Variants in CCNT1 observed in about 807,000 individuals in gnomAD.
The protein encoded by CCNT1 is cyclin-T1.
In CCNT1, 18 loss-of-function variants were observed where a neutral mutation model predicts 67.3. The ratio of observed to expected loss-of-function variants is 0.27; its 90% CI spans 0.18 to 0.40. The LOEUF is 0.40. Ranked by LOEUF, CCNT1 falls within the 10% of genes least tolerant of loss-of-function variation. The pLI, the probability that CCNT1 is intolerant of heterozygous loss-of-function variation, is 1.00. For synonymous variants in CCNT1, 333 were observed against 310.3 expected (o/e 1.07, Z -0.77); for missense variants, 744 against 884.9 (o/e 0.84, Z 2.02).
At chr12:48,712,188 T>A (rs1565621711) in intron 2 of CCNT1, among the ~76,000 whole-genome samples, 1 of 152,172 alleles carries the variant, frequency 6.6e-6, no homozygotes, top group African/African-American at 2.4e-5. Context: ...GAGCTATGTC[T>A]AGCTTCATAA....
rs760407470 is a variant in CCNT1, at chr12:48,693,728, C to T, written c.1486G>A (p.Val496Ile). Residue 496 changes from valine (V) to isoleucine (I), a missense_variant, in exon 9 of 9, where the codon GTA becomes ATA. Val to Ile is a conservative substitution (Grantham distance 29). Around this residue, in one of 3 missense-constraint regions of CCNT1, gnomAD observed 564 missense variants for 574.2 expected, o/e 0.98. Coordinates refer to ENST00000261900, the MANE Select transcript of CCNT1 (RefSeq NM_001240.4). ...VHAAADKHNS[V>I]EDSVTKSREH... Reference sequence around the variant, plus strand: ...CGGCTCTTTGTAACACTGTCCTCTACAGAATTGTGCTTATCAGCTGCAGCA... The same window carrying T: ...CGGCTCTTTGTAACACTGTCCTCTATAGAATTGTGCTTATCAGCTGCAGCA... 16 of 1,614,062 alleles carry T rather than the reference C, an allele frequency of 9.9e-6. No individual in the cohort carries two copies. The highest frequency in any genetic ancestry group is 1.3e-5 in the Non-Finnish European group (15 of 1,179,956).
chr12:48,697,488 A>G (rs2137227315), intron 6 of CCNT1, among the ~76,000 whole-genome samples: 1 of 147,994 alleles, frequency 6.8e-6, no homozygotes, highest in African/African-American at 2.5e-5. Flanking sequence ...GCACCACTTC[A>G]GTCCAGCCTG....
At position 48,693,849 on chromosome 12, in the gene CCNT1, A is replaced by T. The variant is rs1379375177; in HGVS notation, c.1365T>A (p.Ala455=). The stretch of plus-strand genomic sequence containing the variant: ...TTCTCATTTTGAGAGCTGTTTTGTC[A>T]GCCTTTTCCAGAAAAGGCCGCTCGG... The part of the protein sequence containing the change: ...ENPERPFLEK[A]DKTALKMRIP... The change falls in exon 9 of 9, where the codon GCT becomes GCA. Residue 455 remains alanine, a synonymous_variant. Coordinates refer to ENST00000261900, the MANE Select transcript of CCNT1 (RefSeq NM_001240.4). The T allele has an allele frequency of 1.2e-6, 2 of 1,613,954 alleles. No homozygotes were observed. The highest frequency in any genetic ancestry group is 2.7e-5 in the African/African-American group (2 of 74,916).
At chr12:48,697,413 G>A (rs1010832556) in intron 6 of CCNT1, among the ~76,000 whole-genome samples, 1 of 151,150 alleles carries the variant, frequency 6.6e-6, no homozygotes, top group Admixed American at 6.6e-5. Flanking sequence ...TCCCAGCTTA[G>A]TGAAGAGGCT....
rs1940047415 is a variant in CCNT1, at chr12:48,689,989, A to G, written c.*3044T>C. On this transcript the variant is annotated 3_prime_UTR_variant, in exon 9 of 9. Coordinates refer to ENST00000261900, the MANE Select transcript of CCNT1 (RefSeq NM_001240.4). The stretch of plus-strand genomic sequence containing the variant: ...ATCAAAACACTAAAATCATTTTTAA[A>G]AAGGAAGAAAAAAGAAGTTGAGGCT... The G allele has an allele frequency of 6.6e-6, 1 of 152,258 alleles. No individual in the cohort carries two copies. Among genetic ancestry groups the G allele is most frequent in the South Asian group, 2.1e-4 (1 of 4,838 alleles). The allele number at this position is 152,258 out of a possible 1,614,324, so 9.4% of individuals were successfully genotyped here.
rs571133765 is a variant in CCNT1 at position 48,688,618 on chromosome 12, C to T, written c.*4415G>A. On this transcript the variant is annotated 3_prime_UTR_variant, in exon 9 of 9. Transcript: ENST00000261900. Reference sequence around the variant, plus strand: ...CAAAGAGCCCTTACTATAATGGTCACTTACCTCCTATCATTCACATAACAG... The same window carrying T: ...CAAAGAGCCCTTACTATAATGGTCATTTACCTCCTATCATTCACATAACAG... The T allele has an allele frequency of 2.6e-5, 4 of 152,222 alleles. No individual in the cohort carries two copies. The highest frequency in any genetic ancestry group is 1.3e-4 in the Admixed American group (2 of 15,282). The allele number at this position is 152,222 out of a possible 1,614,324, so 9.4% of individuals were successfully genotyped here.
chr12:48,699,327 TACTAA>T (rs1305766421), intron 5 of CCNT1, among the ~76,000 whole-genome samples: 2 of 152,224 alleles, frequency 1.3e-5, no homozygotes, highest in Non-Finnish European at 2.9e-5. Context: ...ATATTCTTGA[TACTAA>T]ACTAAATAAG....
In CCNT1 at chr12:48,693,018, C is replaced by T. The variant is rs1592116611; in HGVS notation, c.*15G>A. On this transcript the variant is annotated 3_prime_UTR_variant, in exon 9 of 9. Transcript: ENST00000261900. ...TTTTTTAAAGAAGTTTTTTTCTCCT[C>T]TTCTTTTTCTTTTTTTACTTAGGAA... 4 of 1,465,856 alleles carry T rather than the reference C, an allele frequency of 2.7e-6. No homozygotes were observed. Among genetic ancestry groups the T allele is most frequent in the Non-Finnish European group, 3.7e-6 (4 of 1,091,270 alleles). 90.8% of individuals were successfully genotyped at this position (1,465,856 alleles called of 1,614,324 possible).
At chr12:48,715,329 AG>A (rs746763012) in intron 1 of CCNT1, among the ~76,000 whole-genome samples, 7 of 152,258 alleles carry the variant, frequency 4.6e-5, no homozygotes, top group Admixed American at 6.5e-5. Flanking sequence ...ACATTTAAAT[AG>A]AAGCTGCACC....
intron 6 of CCNT1, 162 bp downstream of exon 6, chr12:48,697,976 T>C: frequency 2.1e-6 from 1 of 476,196 alleles, no homozygotes; most frequent in African/African-American, 2.0e-5. Context: ...AATAATTACA[T>C]AACCTTAGAA....
chr12:48,714,807 TAAAAACTATATA>T (rs1940509160), intron 1 of CCNT1, among the ~76,000 whole-genome samples: 1 of 152,206 alleles, frequency 6.6e-6, no homozygotes, highest in African/African-American at 2.4e-5. Context: ...CAGATTTTTT[TAAAAACTATATA>T]AGGCGGCCAG....
rs1299051963 is a variant in CCNT1, at chr12:48,688,779, T to C, written c.*4254A>G. On this transcript the variant is annotated 3_prime_UTR_variant, in exon 9 of 9. Coordinates refer to ENST00000261900, the MANE Select transcript of CCNT1 (RefSeq NM_001240.4). ...AGACAAAAATCTCACCACAAAATTGTACCTGAGTGACAGATTGGTAAAGTG... is the reference window on the plus strand; with the variant it reads ...AGACAAAAATCTCACCACAAAATTGCACCTGAGTGACAGATTGGTAAAGTG... 1 of 151,604 alleles carries C rather than the reference T, an allele frequency of 6.6e-6. No individual in the cohort carries two copies. Among genetic ancestry groups the C allele is most frequent in the Non-Finnish European group, 1.5e-5 (1 of 67,972 alleles). 9.4% of individuals were successfully genotyped at this position (151,604 alleles called of 1,614,324 possible).
In CCNT1 at chr12:48,713,258, C is replaced by T. The variant is rs536411987; in HGVS notation, c.243+1185G>A. On this transcript the variant is annotated intron_variant, in intron 2 of 8. Coordinates refer to ENST00000261900, the MANE Select transcript of CCNT1 (RefSeq NM_001240.4). ...CCGTGTTGCCCAGGCTGGTCTCCAACTCCTGGGCTCAATCAGTCCTCCCAC... is the reference window on the plus strand; with the variant it reads ...CCGTGTTGCCCAGGCTGGTCTCCAATTCCTGGGCTCAATCAGTCCTCCCAC... 2.0e-5 allele frequency among the ~76,000 whole-genome samples: 3 copies of T among 148,322 alleles called. No individual in the cohort carries two copies. The South Asian group carries it at 6.4e-4, about 31-fold the overall frequency.
chr12:48,711,856 G>A (rs1940455864), intron 2 of CCNT1, among the ~76,000 whole-genome samples: 4 of 152,156 alleles, frequency 2.6e-5, no homozygotes, highest in Non-Finnish European at 2.9e-5. Context: ...GCAGTGGCAC[G>A]ATCTCGGCTC....
Position 48,694,419 on chromosome 12 carries a change from C to T in CCNT1, c.795G>A (p.Lys265=), listed in dbSNP as rs1376932427. Residue 265 remains lysine (K), a synonymous_variant, in exon 9 of 9, where the codon AAG becomes AAA. Transcript: ENST00000261900. ...TTCCTCGGTCATCTGCTTTTGTTTT[C>T]TTGGCAGCCTCGCATGCCTGCAATG... ...IWNWRACEAA[K]KTKADDRGTD... is the part of the protein sequence containing the mutation. 1 of 1,611,846 alleles carries T rather than the reference C, an allele frequency of 6.2e-7. No individual in the cohort carries two copies. Among genetic ancestry groups the T allele is most frequent in the Admixed American group, 1.7e-5 (1 of 59,962 alleles).
chr12:48,713,716 T>C (rs981947831), intron 2 of CCNT1, among the ~76,000 whole-genome samples: 2 of 152,166 alleles, frequency 1.3e-5, no homozygotes, highest in African/African-American at 4.8e-5. Context: ...CCCAGAAGGT[T>C]AAGGCTGCAA....
chr12:48,699,872 A>G (rs1940236092), intron 4 of CCNT1, 32 bp from the exon 5 acceptor site: 1 of 1,363,546 alleles, frequency 7.3e-7, no homozygotes, highest in African/African-American at 1.4e-5. Flanking sequence ...TTAAAAAACT[A>G]TTAAGAAGTT....
In CCNT1 at chr12:48,691,554, T is replaced by C. The variant is rs1489956314; in HGVS notation, c.*1479A>G. 6.6e-6 allele frequency: 1 copy of C among 152,224 alleles called. No homozygotes were observed. Among genetic ancestry groups the C allele is most frequent in the East Asian group, 1.9e-4 (1 of 5,204 alleles). 9.4% of individuals were successfully genotyped at this position (152,224 alleles called of 1,614,324 possible). A position where few individuals can be genotyped will look rare whatever the true frequency, so the allele number is the denominator to read the frequency against. The stretch of plus-strand genomic sequence containing the variant: ...TAGCCAAGATTTTCTGAAAGATTTA[T>C]TAAAAATGTTCACTCCTAATATCTG... On this transcript the variant is annotated 3_prime_UTR_variant, in exon 9 of 9. Transcript: ENST00000261900.
intron 6 of CCNT1, among the ~76,000 whole-genome samples, chr12:48,696,971 T>C (rs1433094360): frequency 1.3e-5 from 2 of 152,124 alleles, no homozygotes; most frequent in Non-Finnish European, 2.9e-5. Context: ...TAGCTGGTAC[T>C]ACATGCATGT....
Sources: gnomAD v4.1 joint callset for allele counts (sites outside exome capture counted in the v4.1 genomes callset) on GRCh38, gnomAD v4.1.1 for gene constraint, gnomAD v4.1.1 regional missense constraint, MANE v1.5 for transcripts, NCBI Gene and HGNC (gene_info 2026-07-23, HGNC 2026-07-21) for gene names.